RBFOX1: variants seen among roughly 807,000 people sequenced by gnomAD.
The protein encoded by RBFOX1 is RNA binding protein fox-1 homolog 1.
In RBFOX1, 8 loss-of-function variants were observed where a neutral mutation model predicts 57.7. The observed-to-expected ratio is 0.14, with a 90% CI of 0.08 to 0.25. RBFOX1 has a LOEUF of 0.25. Among genes scored for constraint, RBFOX1 ranks in the 10% least tolerant of loss-of-function variants. RBFOX1 has a pLI of 1.00. For missense variants in RBFOX1, 611 were observed against 548.5 expected (o/e 1.11, Z -1.14); for synonymous variants, 326 against 222.4 (o/e 1.47, Z -4.15).
intron 4 of RBFOX1, among the ~76,000 whole-genome samples, chr16:7,456,098 A>G (rs1026788774): frequency 3.0e-4 from 46 of 152,290 alleles, no homozygotes; most frequent in African/African-American, 9.1e-4. Context: ...TGATTTTTGA[A>G]CAAGCGTTCC....
chr16:6,618,503 C>G (rs554015531), intron 2 of RBFOX1, among the ~76,000 whole-genome samples: 6 of 152,262 alleles, frequency 3.9e-5, no homozygotes, highest in Admixed American at 3.9e-4. Flanking sequence ...ATACATTTAC[C>G]ACTAGGCGTT....
At chr16:6,574,727 C>A (rs1210009598) in intron 2 of RBFOX1, among the ~76,000 whole-genome samples, 1 of 145,834 alleles carries the variant, frequency 6.9e-6, no homozygotes, top group African/African-American at 2.5e-5. Flanking sequence ...GCGCCCGGCC[C>A]GTATCTTCTA....
intron 1 of RBFOX1, among the ~76,000 whole-genome samples, chr16:6,209,352 G>T (rs561441567): frequency 2.6e-5 from 4 of 152,258 alleles, no homozygotes; most frequent in Non-Finnish European, 5.9e-5. Flanking sequence ...TCTGCATCAG[G>T]AGAGATCCCT....
intron 14 of RBFOX1, among the ~76,000 whole-genome samples, chr16:7,691,897 A>G (rs1568486488): frequency 6.6e-6 from 1 of 152,162 alleles, no homozygotes; most frequent in Non-Finnish European, 1.5e-5. Context: ...TTACGGTAGC[A>G]TTCTTAGGAG....
At position 6,880,351 on chromosome 16, in the gene RBFOX1, T is replaced by C. The variant is rs115549141; in HGVS notation, c.-15-171706T>C. Among the ~76,000 whole-genome samples, 870 of 152,152 alleles carry C rather than the reference T, an allele frequency of 5.7e-3. 18 individuals carry two copies. Among genetic ancestry groups the C allele is most frequent in the African/African-American group, 0.02 (830 of 41,516 alleles). On this transcript the variant is annotated intron_variant, in intron 3 of 15. Coordinates refer to ENST00000550418, the MANE Select transcript of RBFOX1 (RefSeq NM_018723.4). ...CTGTTGTTCCTGACCACTGCCTTGG[T>C]TTTTAGTATTATACTTTCCACTTCA...
At chr16:7,527,622 G>C in intron 5 of RBFOX1, among the ~76,000 whole-genome samples, 1 of 152,136 alleles carries the variant, frequency 6.6e-6, no homozygotes, top group Admixed American at 6.5e-5. Context: ...CATTCTGTCT[G>C]ACCCAGAGTG....
chr16:6,606,932 C>A (rs28562327), intron 2 of RBFOX1, among the ~76,000 whole-genome samples: 7,445 of 152,278 alleles, frequency 0.049, 640 homozygotes, highest in African/African-American at 0.17. Context: ...GGAATCACCA[C>A]ACTGTCTTTC....
chr16:6,195,837 A>T (rs1178204876), intron 1 of RBFOX1, among the ~76,000 whole-genome samples: 1 of 152,318 alleles, frequency 6.6e-6, no homozygotes, highest in African/African-American at 2.4e-5. Flanking sequence ...TAGCCATTTA[A>T]GAGCCTTCAA....
At chr16:5,294,260 G>A (rs530696622) in intron 1 of RBFOX1, among the ~76,000 whole-genome samples, 1 of 152,100 alleles carries the variant, frequency 6.6e-6, no homozygotes, top group South Asian at 2.1e-4. Context: ...CACACACAAA[G>A]TCAAAAAATA....
At chr16:7,704,071 T>C (rs2148328834) in intron 14 of RBFOX1, among the ~76,000 whole-genome samples, 1 of 152,324 alleles carries the variant, frequency 6.6e-6, no homozygotes, top group East Asian at 1.9e-4. Flanking sequence ...AGAAAACTAC[T>C]GCTTTACAAA....
chr16:5,886,805 T>C (rs962449575), intron 4 of RBFOX1, among the ~76,000 whole-genome samples: 1 of 152,228 alleles, frequency 6.6e-6, no homozygotes, highest in African/African-American at 2.4e-5. Flanking sequence ...GGGGAATCAC[T>C]TGAACCTGGG....
chr16:7,279,439 G>C (rs550199357), intron 4 of RBFOX1, among the ~76,000 whole-genome samples: 2 of 152,236 alleles, frequency 1.3e-5, no homozygotes, highest in Admixed American at 1.3e-4. Context: ...CGTTTATTCA[G>C]CCGGCATTTA....
intron 1 of RBFOX1, among the ~76,000 whole-genome samples, chr16:5,459,410 C>G (rs1418885897): frequency 6.6e-6 from 1 of 152,120 alleles, no homozygotes; most frequent in Non-Finnish European, 1.5e-5. Flanking sequence ...AGACCCTTAG[C>G]ACTTTGCTAA....
At chr16:7,617,153 G>A (rs2058576945) in intron 10 of RBFOX1, among the ~76,000 whole-genome samples, 3 of 152,180 alleles carry the variant, frequency 2.0e-5, no homozygotes, top group African/African-American at 2.4e-5. Context: ...CAGCTTGTTA[G>A]CTTAAAGCAG....
chr16:7,394,851 T>C (rs2098115566), intron 4 of RBFOX1, among the ~76,000 whole-genome samples: 1 of 152,166 alleles, frequency 6.6e-6, no homozygotes, highest in African/African-American at 2.4e-5. Flanking sequence ...TTTCAATCCG[T>C]CTACTTCCAC....
chr16:7,160,519 A>G (rs1368795390), intron 4 of RBFOX1, among the ~76,000 whole-genome samples: 1 of 151,986 alleles, frequency 6.6e-6, no homozygotes, highest in African/African-American at 2.4e-5. Flanking sequence ...TGTTATACAT[A>G]TTTTTTTATT....
chr16:6,899,538 C>A (rs559743196), intron 3 of RBFOX1, among the ~76,000 whole-genome samples: 1 of 152,328 alleles, frequency 6.6e-6, no homozygotes, highest in South Asian at 2.1e-4. Context: ...TATTTAGAGA[C>A]ACCTGGATGT....
intron 3 of RBFOX1, among the ~76,000 whole-genome samples, chr16:6,967,543 C>A (rs1054116660): frequency 2.0e-5 from 3 of 152,062 alleles, no homozygotes; most frequent in African/African-American, 7.2e-5. Flanking sequence ...AATAGACTGA[C>A]TTGCTTATGT....
chr16:6,906,090 A>C (rs1290089314), intron 3 of RBFOX1, among the ~76,000 whole-genome samples: 1 of 148,946 alleles, frequency 6.7e-6, no homozygotes, highest in Non-Finnish European at 1.5e-5. Context: ...CTTCGATGGA[A>C]CGCTTTGCTT....
Sources: allele counts gnomAD v4.1 joint callset (sites outside exome capture counted in the v4.1 genomes callset), GRCh38; gene constraint gnomAD v4.1.1; transcripts MANE v1.5; gene names NCBI Gene and HGNC (gene_info 2026-07-23, HGNC 2026-07-21).